Variants in ZNRD2 observed in about 807,000 individuals in gnomAD.
The protein encoded by ZNRD2 is protein ZNRD2.
Under a neutral mutation model 22.0 loss-of-function variants are expected in ZNRD2, and 16 were observed. That is an observed-to-expected ratio of 0.73 (90% CI 0.49 to 1.11). ZNRD2 has a LOEUF of 1.11. Ranked by LOEUF, ZNRD2 falls within the 50% of genes least tolerant of loss-of-function variation. The probability of loss-of-function intolerance (pLI) is 0.00; values close to 1 mark genes in which losing one functional copy is unlikely to be tolerated. For synonymous variants in ZNRD2, 105 were observed against 109.8 expected (o/e 0.96, Z 0.27); for missense variants, 269 against 258.9 (o/e 1.04, Z -0.27).
chr11:65,571,304 A>G, intron 3 of ZNRD2, 87 bp from the exon 4 acceptor site: 1 of 1,480,530 alleles, frequency 6.8e-7, no homozygotes, highest in Non-Finnish European at 9.0e-7. Flanking sequence ...CCTCAAGCAC[A>G]GAAAGAGCAG....
chr11:65,571,292 C>T (rs1590800917), intron 3 of ZNRD2, 99 bp from the exon 4 acceptor site: 1 of 1,437,672 alleles, frequency 7.0e-7, no homozygotes, highest in East Asian at 2.4e-5. Context: ...ACAGGGAAAA[C>T]ACCTCAAGCA....
Position 65,571,888 on chromosome 11 carries a change from C to T in ZNRD2, c.*154C>T. 8.7e-7 allele frequency: 1 copy of T among 1,150,900 alleles called. No individual in the cohort carries two copies. Among genetic ancestry groups the T allele is most frequent in the Non-Finnish European group, 1.2e-6 (1 of 840,810 alleles). 71.3% of individuals were successfully genotyped at this position (1,150,900 alleles called of 1,614,324 possible). The stretch of plus-strand genomic sequence containing the variant: ...CTCTCCACTCTGCTCTCCTTGACGC[C>T]CTGAGATGAGTTGAGCTTGTTTCTT... On this transcript the variant is annotated 3_prime_UTR_variant, in exon 4 of 4. Coordinates refer to ENST00000309328, the MANE Select transcript of ZNRD2 (RefSeq NM_006396.3).
rs757483751 is a variant in ZNRD2, at chr11:65,570,607, TCGA to T, written c.28_30del (p.Asp10del). On this transcript the variant is annotated inframe_deletion, in exon 2 of 4. Coordinates refer to ENST00000309328, the MANE Select transcript of ZNRD2 (RefSeq NM_006396.3). The stretch of plus-strand genomic sequence containing the variant: ...TCCCTATGCCTCTCTTCCCCAGAAG[TCGA>T]CGACTTCTCCTGGGAGCCCCCGACT... The T allele has an allele frequency of 9.3e-6, 15 of 1,613,820 alleles. No homozygotes were observed. Among genetic ancestry groups the T allele is most frequent in the South Asian group, 2.2e-5 (2 of 91,080 alleles).
At position 65,571,513 on chromosome 11, in the gene ZNRD2, G is replaced by T. The variant is rs758459785; in HGVS notation, c.379G>T (p.Gly127Ter). 2 of 1,613,906 alleles carry T rather than the reference G, an allele frequency of 1.2e-6. No individual in the cohort carries two copies. Among genetic ancestry groups the T allele is most frequent in the Non-Finnish European group, 1.7e-6 (2 of 1,180,024 alleles). ...PPVPRPEHCE[G>*]AAAGLKAAQG... ...AGTACCTCGTCCGGAGCACTGTGAG[G>T]GAGCTGCAGCAGGACTCAAGGCAGC... is the stretch of plus-strand genomic sequence containing the variant. Residue 127 changes from glycine to a stop codon, truncating the protein, a stop_gained, in exon 4 of 4, where the codon GGA (glycine) becomes TGA (stop). Transcript: ENST00000309328. LOFTEE classifies it high-confidence loss of function.
rs778265095 is a variant in ZNRD2, at chr11:65,570,482, C to T, written c.-10C>T. ...TCACTTCCTGTGAGCCCGGCGGTGACAACGGCAACATGGCCCTGAACGGAG... is the reference window on the plus strand; with the variant it reads ...TCACTTCCTGTGAGCCCGGCGGTGATAACGGCAACATGGCCCTGAACGGAG... On this transcript the variant is annotated 5_prime_UTR_variant, in exon 1 of 4. Coordinates refer to ENST00000309328, the MANE Select transcript of ZNRD2 (RefSeq NM_006396.3). The T allele has an allele frequency of 1.9e-6, 3 of 1,613,430 alleles. No individual in the cohort carries two copies. The African/African-American group carries it at 4.0e-5, about 22-fold the overall frequency.
intron 3 of ZNRD2, among the ~76,000 whole-genome samples, 186 bp from the exon 4 acceptor site, chr11:65,571,205 C>T (rs1005296280): frequency 2.0e-5 from 3 of 152,008 alleles, no homozygotes; most frequent in African/African-American, 7.3e-5. Flanking sequence ...TCAACCAGGC[C>T]CAGTACTGAT....
chr11:65,571,601 C>G lies in ZNRD2; in HGVS notation c.467C>G (p.Ala156Gly). 1.2e-6 allele frequency: 2 copies of G among 1,614,132 alleles called. No homozygotes were observed. The highest frequency in any genetic ancestry group is 1.7e-6 in the Non-Finnish European group (2 of 1,180,036). Reference sequence around the variant, plus strand: ...GATGTCATGGCCTGCACACAGACAGCCCTCTTGCAGAAGCTGACCTGGGCC... The same window carrying G: ...GATGTCATGGCCTGCACACAGACAGGCCTCTTGCAGAAGCTGACCTGGGCC... ...NTDVMACTQT[A>G]LLQKLTWASA... The change falls in exon 4 of 4, where the codon GCC (alanine) becomes GGC (glycine). Residue 156 changes from alanine (A) to glycine (G), a missense_variant. By Grantham distance (60) the Ala-to-Gly change is moderately conservative (BLOSUM62 0). Coordinates refer to ENST00000309328, the MANE Select transcript of ZNRD2 (RefSeq NM_006396.3).
chr11:65,571,024 G>A, intron 3 of ZNRD2, 54 bp downstream of exon 3: 2 of 1,534,790 alleles, frequency 1.3e-6, no homozygotes, highest in Non-Finnish European at 1.8e-6. Context: ...GGGGGGAAGC[G>A]TGGTTAAGTG....
Position 65,570,977 on chromosome 11 carries a change from G to C in ZNRD2, c.256+7G>C. The C allele has an allele frequency of 1.9e-6, 3 of 1,613,642 alleles. No individual in the cohort carries two copies. Among genetic ancestry groups the C allele is most frequent in the Non-Finnish European group, 2.5e-6 (3 of 1,179,600 alleles). On this transcript the variant is annotated splice_region_variant and intron_variant, in intron 3 of 3. Coordinates refer to ENST00000309328, the MANE Select transcript of ZNRD2 (RefSeq NM_006396.3). The stretch of plus-strand genomic sequence containing the variant: ...GTGGATAAAGATAATCCCGGTAAGA[G>C]TAAAAAATAATCCGGGAGAGGGGCC...
chr11:65,571,279 G>A (rs772611304), intron 3 of ZNRD2, 112 bp from the exon 4 acceptor site: 1 of 1,359,768 alleles, frequency 7.4e-7, no homozygotes, highest in Admixed American at 2.7e-5. Context: ...GCCTTATAGA[G>A]GGACAGGGAA....
intron 1 of ZNRD2, 26 bp from the exon 2 acceptor site, chr11:65,570,578 C>T (rs1857104855): frequency 6.2e-7 from 1 of 1,613,946 alleles, no homozygotes; most frequent in Non-Finnish European, 8.5e-7. Flanking sequence ...GGCAAGACCC[C>T]CAGTCCCTAT....
At chr11:65,571,362 C>T (rs778726657) in intron 3 of ZNRD2, 29 bp from the exon 4 acceptor site, 3 of 1,551,414 alleles carry the variant, frequency 1.9e-6, no homozygotes, top group Admixed American at 1.9e-5. Flanking sequence ...GGCATCCTGA[C>T]CATTCCACCC....
Position 65,571,758 on chromosome 11 carries a change from C to G in ZNRD2, c.*24C>G, listed in dbSNP as rs1857134787. The G allele has an allele frequency of 6.4e-7, 1 of 1,552,766 alleles. No individual in the cohort carries two copies. The highest frequency in any genetic ancestry group is 1.4e-5 in the African/African-American group (1 of 72,474). Reference sequence around the variant, plus strand: ...AAGAGAAGCCCCTGAGAAAAACCCTCTAGAAAAACAGCTGTTCCTCTGTGT... The same window carrying G: ...AAGAGAAGCCCCTGAGAAAAACCCTGTAGAAAAACAGCTGTTCCTCTGTGT... On this transcript the variant is annotated 3_prime_UTR_variant, in exon 4 of 4. Transcript: ENST00000309328.
In ZNRD2 at chr11:65,571,873, T is replaced by C; in HGVS notation, c.*139T>C. ...TTTTGGCCTCTTCACCTCTCCACTC[T>C]GCTCTCCTTGACGCCCTGAGATGAG... On this transcript the variant is annotated 3_prime_UTR_variant, in exon 4 of 4. Coordinates refer to ENST00000309328, the MANE Select transcript of ZNRD2 (RefSeq NM_006396.3). The C allele has an allele frequency of 1.6e-6, 2 of 1,281,804 alleles. No homozygotes were observed. The highest frequency in any genetic ancestry group is 2.1e-6 in the Non-Finnish European group (2 of 958,594). 79.4% of individuals were successfully genotyped at this position (1,281,804 alleles called of 1,614,324 possible).
Position 65,570,497 on chromosome 11 carries a change from C to T in ZNRD2, c.6C>T (p.Ala2=). The T allele has an allele frequency of 6.2e-7, 1 of 1,613,780 alleles. No homozygotes were observed. Among genetic ancestry groups the T allele is most frequent in the Non-Finnish European group, 8.5e-7 (1 of 1,179,962 alleles). M[A]LNGAEVDDFS... ...CCGGCGGTGACAACGGCAACATGGCCCTGAACGGAGCTGGTGAGGACCTGG... is the reference window on the plus strand; with the variant it reads ...CCGGCGGTGACAACGGCAACATGGCTCTGAACGGAGCTGGTGAGGACCTGG... Residue 2 remains alanine (A), a synonymous_variant, in exon 1 of 4, where the codon GCC becomes GCT. Transcript: ENST00000309328.
chr11:65,570,495 G>C lies in ZNRD2; in HGVS notation c.4G>C (p.Ala2Pro). The change falls in exon 1 of 4, where the codon GCC becomes CCC. Residue 2 changes from alanine to proline, a missense_variant. Coordinates refer to ENST00000309328, the MANE Select transcript of ZNRD2 (RefSeq NM_006396.3). ...GCCCGGCGGTGACAACGGCAACATG[G>C]CCCTGAACGGAGCTGGTGAGGACCT... M[A>P]LNGAEVDDFS... The C allele has an allele frequency of 6.2e-7, 1 of 1,613,760 alleles. No homozygotes were observed. Among genetic ancestry groups the C allele is most frequent in the Non-Finnish European group, 8.5e-7 (1 of 1,179,954 alleles).
At position 65,570,738 on chromosome 11, in the gene ZNRD2, A is replaced by G; in HGVS notation, c.154A>G (p.Thr52Ala). Residue 52 changes from threonine to alanine, a missense_variant, in exon 2 of 4, where the codon ACG becomes GCG. Coordinates refer to ENST00000309328, the MANE Select transcript of ZNRD2 (RefSeq NM_006396.3). ...LLRGYRMLGE[T>A]CADCGTILLQ... is the part of the protein sequence containing the mutation. Reference sequence around the variant, plus strand: ...GCGCGGTTACCGCATGCTGGGCGAGACGTGTGCGGACTGCGGGGTGAGGCG... The same window carrying G: ...GCGCGGTTACCGCATGCTGGGCGAGGCGTGTGCGGACTGCGGGGTGAGGCG... The G allele has an allele frequency of 6.2e-7, 1 of 1,613,750 alleles. No individual in the cohort carries two copies. Among genetic ancestry groups the G allele is most frequent in the Non-Finnish European group, 8.5e-7 (1 of 1,179,890 alleles).
chr11:65,570,518 C>T lies in ZNRD2; in HGVS notation c.19+8C>T. The T allele has an allele frequency of 1.9e-6, 3 of 1,613,922 alleles. No homozygotes were observed. The highest frequency in any genetic ancestry group is 2.2e-5 in the East Asian group (1 of 44,876). On this transcript the variant is annotated splice_region_variant and intron_variant, in intron 1 of 3. Coordinates refer to ENST00000309328, the MANE Select transcript of ZNRD2 (RefSeq NM_006396.3). ...TGGCCCTGAACGGAGCTGGTGAGGA[C>T]CTGGGCGGCAGGGGTTTGTGGCTGT...
Position 65,571,644 on chromosome 11 carries a change from T to A in ZNRD2, c.510T>A (p.Ser170=). Residue 170 remains serine, a synonymous_variant, in exon 4 of 4, where the codon TCT becomes TCA. Transcript: ENST00000309328. ...KLTWASAELG[S]STSLETSIQL... is the part of the protein sequence containing the mutation. ...CCTGGGCCTCTGCTGAACTGGGCTC[T>A]AGCACCTCCCTGGAGACTAGCATCC... 6.2e-7 allele frequency: 1 copy of A among 1,614,096 alleles called. No homozygotes were observed. Among genetic ancestry groups the A allele is most frequent in the African/African-American group, 1.3e-5 (1 of 75,068 alleles).
Sources: gnomAD v4.1 joint callset for allele counts (sites outside exome capture counted in the v4.1 genomes callset) on GRCh38, gnomAD v4.1.1 for gene constraint, MANE v1.5 for transcripts, NCBI Gene and HGNC (gene_info 2026-07-23, HGNC 2026-07-21) for gene names.